The following RSPO3 variants were observed in gnomAD, a reference collection of about 807,000 sequenced individuals.
RSPO3 encodes the protein R-spondin 3.
A neutral mutation model predicts 36.5 loss-of-function variants in RSPO3; 17 were observed. The ratio of observed to expected loss-of-function variants is 0.47; its 90% CI spans 0.32 to 0.70. The LOEUF is 0.70. Ranked by LOEUF, RSPO3 falls within the 30% of genes least tolerant of loss-of-function variation. The probability of loss-of-function intolerance (pLI) is 0.04; values close to 1 mark genes in which losing one functional copy is unlikely to be tolerated. For synonymous variants in RSPO3, 108 were observed against 107.0 expected, an observed-to-expected ratio of 1.01 and a Z score of -0.06; for missense variants, 294 against 322.5, an observed-to-expected ratio of 0.91 and a Z score of 0.68.
At chr6:127,156,537 T>C (rs1207202754) in intron 4 of RSPO3, among the ~76,000 whole-genome samples, 2 of 152,204 alleles carry the variant, frequency 1.3e-5, no homozygotes, top group Non-Finnish European at 2.9e-5. Context: ...TTTGATTGCC[T>C]CTGTAGTTGA....
intron 4 of RSPO3, among the ~76,000 whole-genome samples, chr6:127,178,076 A>G (rs779699777): frequency 6.6e-5 from 10 of 151,806 alleles, no homozygotes; most frequent in Non-Finnish European, 1.2e-4. Flanking sequence ...ACTGTGCAGT[A>G]TATGAGAGAT....
intron 3 of RSPO3, among the ~76,000 whole-genome samples, chr6:127,154,576 T>C (rs1470968055): frequency 6.6e-6 from 1 of 152,098 alleles, no homozygotes; most frequent in African/African-American, 2.4e-5. Context: ...GTAACAGATA[T>C]CAATATTTAA....
chr6:127,186,799 G>T (rs1272920254), intron 4 of RSPO3, among the ~76,000 whole-genome samples: 1 of 152,094 alleles, frequency 6.6e-6, no homozygotes, highest in East Asian at 1.9e-4. Flanking sequence ...AAGTACTAAA[G>T]AAATAATTTT....
At chr6:127,141,296 C>A (rs1774264979) in intron 1 of RSPO3, among the ~76,000 whole-genome samples, 1 of 152,084 alleles carries the variant, frequency 6.6e-6, no homozygotes, top group Admixed American at 6.6e-5. Context: ...CTTCAGTTAC[C>A]AGGTTGGCTT....
chr6:127,197,971 A>C lies in RSPO3; in HGVS notation c.*1964A>C, dbSNP rs1007760226. ...TTTGAGACCTTTCGGATGATTTCAT[A>C]TACCATCTTTCTTCTGAGTGTTACC... On this transcript the variant is annotated 3_prime_UTR_variant, in exon 5 of 5. Coordinates refer to ENST00000356698, the MANE Select transcript of RSPO3 (RefSeq NM_032784.5). Among the ~76,000 whole-genome samples the C allele has an allele frequency of 6.6e-6, 1 of 152,236 alleles. No individual in the cohort carries two copies. The highest frequency in any genetic ancestry group is 2.4e-5 in the African/African-American group (1 of 41,468).
At position 127,150,553 on chromosome 6, in the gene RSPO3, T is replaced by C. The variant is rs772863698; in HGVS notation, c.417T>C (p.Thr139=). The C allele has an allele frequency of 2.5e-6, 4 of 1,610,968 alleles. No individual in the cohort carries two copies. Among genetic ancestry groups the C allele is most frequent in the Admixed American group, 3.4e-5 (2 of 59,622 alleles). Reference sequence around the variant, plus strand: ...AAGGGTTGGAAGCCAACAACCATACTATGGAGTGTGTCAGTATTGGTAAGG... The same window carrying C: ...AAGGGTTGGAAGCCAACAACCATACCATGGAGTGTGTCAGTATTGGTAAGG... The part of the protein sequence containing the change: ...CPEGLEANNH[T]MECVSIVHCE... The change falls in exon 3 of 5, where the codon ACT becomes ACC. Residue 139 remains threonine (T), a synonymous_variant. Coordinates refer to ENST00000356698, the MANE Select transcript of RSPO3 (RefSeq NM_032784.5).
intron 1 of RSPO3, among the ~76,000 whole-genome samples, chr6:127,146,091 A>T (rs1262795664): frequency 1.3e-5 from 2 of 152,184 alleles, no homozygotes; most frequent in Non-Finnish European, 2.9e-5. Context: ...TGAGCTTCAT[A>T]GTCTTCATTT....
chr6:127,183,298 T>C (rs566684811), intron 4 of RSPO3, among the ~76,000 whole-genome samples: 2 of 152,176 alleles, frequency 1.3e-5, no homozygotes, highest in African/African-American at 4.8e-5. Flanking sequence ...TAGTTATTCA[T>C]CATTGACTTG....
intron 4 of RSPO3, among the ~76,000 whole-genome samples, chr6:127,170,480 C>CAT (rs1232375659): frequency 2.7e-5 from 4 of 150,880 alleles, no homozygotes; most frequent in South Asian, 2.1e-4. Context: ...TAAAGTTATA[C>CAT]ATATATATAT....
At chr6:127,191,845 C>T (rs1381924499) in intron 4 of RSPO3, among the ~76,000 whole-genome samples, 1 of 152,210 alleles carries the variant, frequency 6.6e-6, no homozygotes, top group Non-Finnish European at 1.5e-5. Context: ...TTTCAGTACA[C>T]TGGTCCTCAG....
intron 1 of RSPO3, among the ~76,000 whole-genome samples, chr6:127,138,344 G>C (rs1341402750): frequency 1.3e-5 from 2 of 152,038 alleles, no homozygotes; most frequent in African/African-American, 4.8e-5. Context: ...TCTTGACCCG[G>C]ATGTCTGTGA....
At chr6:127,152,797 T>C (rs1453041265) in intron 3 of RSPO3, among the ~76,000 whole-genome samples, 1 of 152,224 alleles carries the variant, frequency 6.6e-6, no homozygotes, top group Admixed American at 6.6e-5. Flanking sequence ...GAGAACATAT[T>C]CTTTTCACTT....
chr6:127,181,150 T>C (rs1426915060), intron 4 of RSPO3, among the ~76,000 whole-genome samples: 1 of 152,004 alleles, frequency 6.6e-6, no homozygotes, highest in East Asian at 1.9e-4. Context: ...TCTTTCTAAC[T>C]TCAAAGCCCA....
chr6:127,152,430 T>A (rs898340922), intron 3 of RSPO3, among the ~76,000 whole-genome samples: 1 of 152,146 alleles, frequency 6.6e-6, no homozygotes. Flanking sequence ...GACCTGCTTC[T>A]ATATCACAAA....
intron 2 of RSPO3, among the ~76,000 whole-genome samples, chr6:127,149,814 T>A (rs1774454618): frequency 6.6e-6 from 1 of 152,098 alleles, no homozygotes; most frequent in Admixed American, 6.6e-5. Context: ...GACTACCTCA[T>A]TGGATTGTTG....
intron 4 of RSPO3, among the ~76,000 whole-genome samples, chr6:127,181,968 C>A (rs1383440797): frequency 6.6e-6 from 1 of 151,796 alleles, no homozygotes; most frequent in Non-Finnish European, 1.5e-5. Context: ...AAGCATGGCA[C>A]CAGTATCTGA....
At position 127,198,484 on chromosome 6, in the gene RSPO3, A is replaced by G. The variant is rs1775557861; in HGVS notation, c.*2477A>G. ...TCCTACACTAGTCACAGAAGGTGTT[A>G]ACTTTCTACTCTGATTCTGTCTCCA... On this transcript the variant is annotated 3_prime_UTR_variant, in exon 5 of 5. Transcript: ENST00000356698. 6.6e-6 allele frequency among the ~76,000 whole-genome samples: 1 copy of G among 152,190 alleles called. No individual in the cohort carries two copies. Among genetic ancestry groups the G allele is most frequent in the Admixed American group, 6.5e-5 (1 of 15,278 alleles).
At chr6:127,147,435 C>T (rs1178119856) in intron 1 of RSPO3, among the ~76,000 whole-genome samples, 1 of 152,140 alleles carries the variant, frequency 6.6e-6, no homozygotes, top group Non-Finnish European at 1.5e-5. Flanking sequence ...TCCTGTGCAT[C>T]AATCTTTCTT....
chr6:127,192,486 G>A (rs1232155118), intron 4 of RSPO3, among the ~76,000 whole-genome samples: 1 of 152,154 alleles, frequency 6.6e-6, no homozygotes, highest in African/African-American at 2.4e-5. Context: ...CACACAACTA[G>A]TTGGTGGCAG....
Sources: gnomAD v4.1 joint callset for allele counts (sites outside exome capture counted in the v4.1 genomes callset) on GRCh38, gnomAD v4.1.1 for gene constraint, MANE v1.5 for transcripts, NCBI Gene and HGNC (gene_info 2026-07-23, HGNC 2026-07-21) for gene names.